ADAMTS9: variants seen among roughly 807,000 people sequenced by gnomAD.
The protein encoded by ADAMTS9 is ADAM metallopeptidase with thrombospondin type 1 motif 9, also known as A disintegrin and metalloproteinase with thrombospondin motifs 9.
A neutral mutation model predicts 257.1 loss-of-function variants in ADAMTS9; 107 were observed. The ratio of observed to expected loss-of-function variants is 0.42; its 90% CI spans 0.36 to 0.49. The LOEUF (loss-of-function observed/expected upper bound fraction) is 0.49, where lower values mean the gene tolerates loss of function less well. Ranked by LOEUF, ADAMTS9 falls within the 20% of genes least tolerant of loss-of-function variation. ADAMTS9 has a pLI of 0.03. For synonymous variants in ADAMTS9, 982 were observed against 880.9 expected, an observed-to-expected ratio of 1.11 and a Z score of -2.03; for missense variants, 2,353 against 2,469.1, an observed-to-expected ratio of 0.95 and a Z score of 1.00.
intron 28 of ADAMTS9, among the ~76,000 whole-genome samples, chr3:64,572,915 TA>T (rs778440135): frequency 1.3e-5 from 2 of 151,696 alleles, no homozygotes; most frequent in Non-Finnish European, 2.9e-5. Flanking sequence ...CCATCTCTAC[TA>T]AAAATACAAA....
intron 30 of ADAMTS9, among the ~76,000 whole-genome samples, chr3:64,557,338 C>CAAG (rs2083352823): frequency 1.3e-5 from 2 of 152,312 alleles, no homozygotes; most frequent in East Asian, 3.9e-4. Context: ...AGAAGGACCT[C>CAAG]TGCTGCTCTA....
chr3:64,605,555 G>A (rs900800816), intron 23 of ADAMTS9, among the ~76,000 whole-genome samples: 1 of 152,184 alleles, frequency 6.6e-6, no homozygotes, highest in Admixed American at 6.5e-5. Context: ...GCCACATGGG[G>A]CTTCACTCAG....
At chr3:64,636,626 T>C (rs970841245) in intron 12 of ADAMTS9, among the ~76,000 whole-genome samples, 8 of 152,230 alleles carry the variant, frequency 5.3e-5, no homozygotes, top group Non-Finnish European at 1.2e-4. Flanking sequence ...GATTTTTGCA[T>C]GGTTTGTGAG....
rs73124227 is a variant in ADAMTS9 at position 64,642,534 on chromosome 3, G to A, written c.1711-541C>T. On this transcript the variant is annotated intron_variant, in intron 11 of 39. Coordinates refer to ENST00000498707, the MANE Select transcript of ADAMTS9 (RefSeq NM_182920.2). Reference sequence around the variant, plus strand: ...GAAAGCAAAACGGACACACTACAGAGAGCCCTAAACTTTATGACTTGTTTG... The same window carrying A: ...GAAAGCAAAACGGACACACTACAGAAAGCCCTAAACTTTATGACTTGTTTG... 5.7e-3 allele frequency among the ~76,000 whole-genome samples: 861 copies of A among 152,258 alleles called. 11 individuals are homozygous for A. Among genetic ancestry groups the A allele is most frequent in the South Asian group, 0.04 (193 of 4,820 alleles).
chr3:64,600,582 G>C (rs754209754), intron 26 of ADAMTS9, among the ~76,000 whole-genome samples: 1 of 152,354 alleles, frequency 6.6e-6, no homozygotes, highest in South Asian at 2.1e-4. Flanking sequence ...ACATGTGTGA[G>C]TTTTGAATTT....
At chr3:64,634,196 T>C (rs1700438296) in intron 12 of ADAMTS9, among the ~76,000 whole-genome samples, 1 of 152,148 alleles carries the variant, frequency 6.6e-6, no homozygotes, top group African/African-American at 2.4e-5. Flanking sequence ...AGCCTGAATC[T>C]GAATCTATTA....
At chr3:64,524,344 T>C (rs2082884741) in intron 38 of ADAMTS9, among the ~76,000 whole-genome samples, 1 of 152,188 alleles carries the variant, frequency 6.6e-6, no homozygotes, top group African/African-American at 2.4e-5. Context: ...ATAGAATTCT[T>C]TACTTGCCTG....
intron 38 of ADAMTS9, among the ~76,000 whole-genome samples, chr3:64,524,829 C>T (rs775227588): frequency 2.8e-4 from 42 of 152,198 alleles, no homozygotes; most frequent in Non-Finnish European, 5.6e-4. Flanking sequence ...CCATTCTGTA[C>T]TCAACACATG....
rs886916941 is a variant in ADAMTS9 at position 64,639,436 on chromosome 3, A to T, written c.1856+2412T>A. ...TCTTTGTTGCACTTTGAAGCTCAAGATCCTTTTCTGCTGAGATCTTTACAC... is the reference window on the plus strand; with the variant it reads ...TCTTTGTTGCACTTTGAAGCTCAAGTTCCTTTTCTGCTGAGATCTTTACAC... On this transcript the variant is annotated intron_variant, in intron 12 of 39. Coordinates refer to ENST00000498707, the MANE Select transcript of ADAMTS9 (RefSeq NM_182920.2). 6.0e-5 allele frequency among the ~76,000 whole-genome samples: 9 copies of T among 151,196 alleles called. No individual in the cohort carries two copies. The East Asian group carries it at 1.6e-3, about 26-fold the overall frequency.
In ADAMTS9 at chr3:64,687,668, A is replaced by ACCCCTCCCTCCGCTGCCCCCACC. The variant is rs1395960471; in HGVS notation, c.-34_-12dup. ...GGATACAAACTGCATGGTGCTTCCC[A>ACCCCTCCCTCCGCTGCCCCCACC]CCCCTCCCTCCGCTGCCCCCACCCC... is the stretch of plus-strand genomic sequence containing the variant. On this transcript the variant is annotated 5_prime_UTR_variant, in exon 1 of 40. Transcript: ENST00000498707. This position sits in a 1 kb window ranked among gnomAD's most constrained non-coding sequence, Gnocchi z 4.4. 2.1e-6 allele frequency: 3 copies of ACCCCTCCCTCCGCTGCCCCCACC among 1,416,966 alleles called. No homozygotes were observed. The highest frequency in any genetic ancestry group is 5.8e-5 in the East Asian group (2 of 34,256). The allele number at this position is 1,416,966 out of a possible 1,614,324, so 87.8% of individuals were successfully genotyped here.
At chr3:64,637,275 T>A (rs1318771932) in intron 12 of ADAMTS9, among the ~76,000 whole-genome samples, 1 of 152,182 alleles carries the variant, frequency 6.6e-6, no homozygotes, top group African/African-American at 2.4e-5. Context: ...TTTAGCTGAA[T>A]AGGAGTATTT....
chr3:64,530,066 C>T (rs2082958201), intron 38 of ADAMTS9, among the ~76,000 whole-genome samples: 1 of 144,768 alleles, frequency 6.9e-6, no homozygotes, highest in Non-Finnish European at 1.5e-5. Flanking sequence ...TCAAGCAATC[C>T]TCCTGCCTCA....
chr3:64,517,527 G>A (rs7635809), intron 39 of ADAMTS9, among the ~76,000 whole-genome samples: 5,983 of 140,388 alleles, frequency 0.043, 195 homozygotes, highest in East Asian at 0.13. Context: ...CTAAAGTGCT[G>A]GCATTATAGG....
chr3:64,572,797 C>T (rs985896609), intron 28 of ADAMTS9, among the ~76,000 whole-genome samples: 12 of 151,544 alleles, frequency 7.9e-5, no homozygotes, highest in Non-Finnish European at 8.8e-5. Context: ...AAAGCAGGGG[C>T]GGCCGGGTGC....
At chr3:64,614,260 C>A (rs977901026) in intron 21 of ADAMTS9, among the ~76,000 whole-genome samples, 3 of 152,112 alleles carry the variant, frequency 2.0e-5, no homozygotes, top group African/African-American at 7.2e-5. Context: ...AAAATTTAAA[C>A]CTACTACTTA....
chr3:64,651,019 T>C lies in ADAMTS9; in HGVS notation c.1461A>G (p.Leu487=), dbSNP rs749930385. The change falls in exon 9 of 40, where the codon TTA becomes TTG. Residue 487 remains leucine (L), a splice_region_variant and synonymous_variant. Coordinates refer to ENST00000498707, the MANE Select transcript of ADAMTS9 (RefSeq NM_182920.2). ...KCSRKYITEF[L]DTGYGECLLN... ...CTAAAAGAATGTTCAAGTCTTACTC[T>C]AAAAACTCAGTGATATATTTTCGAC... 6.2e-7 allele frequency: 1 copy of C among 1,602,394 alleles called. No homozygotes were observed. Among genetic ancestry groups the C allele is most frequent in the Non-Finnish European group, 8.5e-7 (1 of 1,175,576 alleles).
intron 22 of ADAMTS9, among the ~76,000 whole-genome samples, chr3:64,610,533 T>C (rs1218801103): frequency 1.3e-5 from 2 of 152,078 alleles, no homozygotes; most frequent in Non-Finnish European, 2.9e-5. Context: ...GGCAAAGAAG[T>C]TGAATAGACA....
chr3:64,634,968 C>T (rs1700458187), intron 12 of ADAMTS9, among the ~76,000 whole-genome samples: 1 of 152,178 alleles, frequency 6.6e-6, no homozygotes, highest in Non-Finnish European at 1.5e-5. Context: ...CCTATCCTCA[C>T]TGTGTGGCCC....
chr3:64,620,870 AT>A (rs960886856), intron 19 of ADAMTS9, among the ~76,000 whole-genome samples: 11 of 151,988 alleles, frequency 7.2e-5, no homozygotes, highest in Admixed American at 2.0e-4. Context: ...GATCAACTGA[AT>A]TTTTTTTGGC....
Sources: gnomAD v4.1 joint callset for allele counts (sites outside exome capture counted in the v4.1 genomes callset) on GRCh38, gnomAD v4.1.1 for gene constraint, Gnocchi (gnomAD v3.1) non-coding constraint, MANE v1.5 for transcripts, NCBI Gene and HGNC (gene_info 2026-07-23, HGNC 2026-07-21) for gene names.